ARHGEF33: variants seen among roughly 807,000 people sequenced by gnomAD.
The protein encoded by ARHGEF33 is DH and coiled-coil domain-containing protein ENSP00000381780.
In ARHGEF33, 72 loss-of-function variants were observed where a neutral mutation model predicts 101.9. That is an observed-to-expected ratio of 0.71 (90% confidence interval 0.58 to 0.86). The LOEUF (loss-of-function observed/expected upper bound fraction) is 0.86, where lower values mean the gene tolerates loss of function less well. Ranked by LOEUF, ARHGEF33 falls within the 40% of genes least tolerant of loss-of-function variation. ARHGEF33 has a pLI of 0.00. For missense variants in ARHGEF33, 1,169 were observed against 1,111.3 expected (o/e 1.05, Z -0.74); for synonymous variants, 499 against 442.5 (o/e 1.13, Z -1.60).
intron 7 of ARHGEF33, among the ~76,000 whole-genome samples, chr2:38,934,856 A>G (rs1667094886): frequency 6.6e-6 from 1 of 151,948 alleles, no homozygotes; most frequent in African/African-American, 2.4e-5. Context: ...GTAAAGAGGA[A>G]TTGTAATTTT....
chr2:38,889,956 A>G lies in ARHGEF33; in HGVS notation c.-189A>G, dbSNP rs775718394. 2 of 470,646 alleles carry G rather than the reference A, an allele frequency of 4.2e-6. No individual in the cohort carries two copies. Among genetic ancestry groups the G allele is most frequent in the African/African-American group, 2.0e-5 (1 of 50,056 alleles). 29.2% of individuals were successfully genotyped at this position (470,646 alleles called of 1,614,324 possible). ...CAGAACCCAGATAAGCCTTGATCTGAGGATGATATAACCACCGCAGGCAAC... is the reference window on the plus strand; with the variant it reads ...CAGAACCCAGATAAGCCTTGATCTGGGGATGATATAACCACCGCAGGCAAC... On this transcript the variant is annotated 5_prime_UTR_variant, in exon 1 of 18. Coordinates refer to ENST00000409978, the MANE Select transcript of ARHGEF33 (RefSeq NM_001145451.5).
chr2:38,948,210 A>G (rs1667500863), intron 10 of ARHGEF33, among the ~76,000 whole-genome samples: 1 of 152,162 alleles, frequency 6.6e-6, no homozygotes, highest in African/African-American at 2.4e-5. Flanking sequence ...TGTACTTGCC[A>G]TCTTTCTCCC....
intron 2 of ARHGEF33, among the ~76,000 whole-genome samples, chr2:38,899,896 A>G (rs1206367659): frequency 6.6e-6 from 1 of 152,182 alleles, no homozygotes; most frequent in Non-Finnish European, 1.5e-5. Flanking sequence ...GGATATGAAT[A>G]TGAAATGGTC....
At chr2:38,971,937 A>G (rs1668174732) in intron 17 of ARHGEF33, 1 of 718,544 alleles carries the variant, frequency 1.4e-6, no homozygotes, top group South Asian at 1.5e-5. Context: ...AAGCTTTCCT[A>G]TTTTCAGGTA....
At chr2:38,946,628 C>A (rs986422833) in intron 10 of ARHGEF33, among the ~76,000 whole-genome samples, 7 of 151,898 alleles carry the variant, frequency 4.6e-5, no homozygotes, top group South Asian at 2.1e-4. Context: ...TACTTTATTT[C>A]TTTCTTTATT....
intron 2 of ARHGEF33, among the ~76,000 whole-genome samples, chr2:38,915,952 A>G (rs1016042842): frequency 6.6e-6 from 1 of 152,070 alleles, no homozygotes; most frequent in Non-Finnish European, 1.5e-5. Flanking sequence ...CTTAAGCCTA[A>G]GAGTTCGAGG....
chr2:38,961,276 C>T (rs1667931266), intron 16 of ARHGEF33, among the ~76,000 whole-genome samples: 1 of 152,120 alleles, frequency 6.6e-6, no homozygotes, highest in South Asian at 2.1e-4. Context: ...TATTAATTTG[C>T]AAACTCTATT....
At chr2:38,904,727 A>G (rs1213594844) in intron 2 of ARHGEF33, among the ~76,000 whole-genome samples, 2 of 151,620 alleles carry the variant, frequency 1.3e-5, no homozygotes, top group African/African-American at 4.8e-5. Flanking sequence ...AAAAAAGGAA[A>G]AGAAGAAAAA....
In ARHGEF33 at chr2:38,955,481, CTTTTTTT is replaced by C. The variant is rs3085350; in HGVS notation, c.1221+1044_1221+1050del. Among the ~76,000 whole-genome samples the C allele has an allele frequency of 4.7e-3, 338 of 71,190 alleles. 2 individuals carry two copies. Among genetic ancestry groups the C allele is most frequent in the Middle Eastern group, 0.029 (1 of 34 alleles). The allele number at this position is 71,190 out of a possible 152,430, so 46.7% of individuals were successfully genotyped here. The stretch of plus-strand genomic sequence containing the variant: ...TATCAAAGCATCAATATTGAAAAGA[CTTTTTTT>C]TTTTTTTTTTTTTTTTTTGAGTCAG... On this transcript the variant is annotated intron_variant, in intron 13 of 17. Coordinates refer to ENST00000409978, the MANE Select transcript of ARHGEF33 (RefSeq NM_001145451.5).
chr2:38,934,287 C>T (rs995864883), intron 7 of ARHGEF33, among the ~76,000 whole-genome samples: 1 of 152,174 alleles, frequency 6.6e-6, no homozygotes, highest in African/African-American at 2.4e-5. Flanking sequence ...GATTCCTCAT[C>T]ACCCTCAGAA....
intron 6 of ARHGEF33, among the ~76,000 whole-genome samples, chr2:38,930,254 G>A (rs1432525849): frequency 6.6e-6 from 1 of 151,952 alleles, no homozygotes; most frequent in Non-Finnish European, 1.5e-5. Context: ...TATGTTAAAC[G>A]ATGTCTGGAC....
chr2:38,955,481 CT>C (rs3085350), intron 13 of ARHGEF33, among the ~76,000 whole-genome samples: 44 of 71,174 alleles, frequency 6.2e-4, no homozygotes, highest in East Asian at 2.6e-3. Context: ...ATTGAAAAGA[CT>C]TTTTTTTTTT....
At chr2:38,973,558 C>A in intron 17 of ARHGEF33, 156 bp from the exon 18 acceptor site, 1 of 698,944 alleles carries the variant, frequency 1.4e-6, no homozygotes, top group Non-Finnish European at 2.2e-6. Flanking sequence ...ATCTTAGATA[C>A]ACATGTCCTA....
At chr2:38,917,970 T>G (rs1466134174) in intron 2 of ARHGEF33, among the ~76,000 whole-genome samples, 1 of 152,222 alleles carries the variant, frequency 6.6e-6, no homozygotes, top group Non-Finnish European at 1.5e-5. Context: ...AAACTTGCGT[T>G]TTCTTAATCT....
intron 7 of ARHGEF33, 29 bp from the exon 8 acceptor site, chr2:38,935,746 G>A (rs945421971): frequency 1.9e-5 from 29 of 1,545,558 alleles, no homozygotes; most frequent in Middle Eastern, 1.7e-4. Context: ...TGGAATGAAC[G>A]CTGAATGAAT....
At chr2:38,925,132 T>C (rs1262960012) in intron 4 of ARHGEF33, among the ~76,000 whole-genome samples, 1 of 152,212 alleles carries the variant, frequency 6.6e-6, no homozygotes. Flanking sequence ...CATATAAACA[T>C]CTGCATTTAT....
intron 9 of ARHGEF33, among the ~76,000 whole-genome samples, chr2:38,938,255 G>A (rs142314132): frequency 6.6e-6 from 1 of 152,256 alleles, no homozygotes; most frequent in Non-Finnish European, 1.5e-5. Context: ...AAGATGTTTA[G>A]CCAGGCATGG....
intron 10 of ARHGEF33, among the ~76,000 whole-genome samples, chr2:38,946,005 T>G: frequency 6.6e-6 from 1 of 152,294 alleles, no homozygotes; most frequent in East Asian, 1.9e-4. Flanking sequence ...TTAACTGCAA[T>G]GTGTAAAGTT....
chr2:38,947,819 T>A lies in ARHGEF33; in HGVS notation c.921-3170T>A, dbSNP rs545361677. On this transcript the variant is annotated intron_variant, in intron 10 of 17. Transcript: ENST00000409978. ...TCCACCAAGAGCTCAACAAGCTTCG[T>A]GCTACAGATCACCACCAGGTGGCAC... 3.7e-3 allele frequency among the ~76,000 whole-genome samples: 567 copies of A among 152,172 alleles called. 7 individuals are homozygous for A. The South Asian group carries it at 0.044, about 12-fold the overall frequency.
Sources: gnomAD v4.1 joint callset for allele counts (sites outside exome capture counted in the v4.1 genomes callset) on GRCh38, gnomAD v4.1.1 for gene constraint, MANE v1.5 for transcripts, NCBI Gene and HGNC (gene_info 2026-07-23, HGNC 2026-07-21) for gene names.